SHC2: variants seen among roughly 807,000 people sequenced by gnomAD.
SHC2 encodes SHC adaptor protein 2, also known as SHC-transforming protein 2.
SHC2 carries 62 observed loss-of-function variants against 60.6 expected under a neutral mutation model. The ratio of observed to expected loss-of-function variants is 1.02; its 90% confidence interval spans 0.83 to 1.26. The LOEUF (loss-of-function observed/expected upper bound fraction) is 1.26, where lower values mean the gene tolerates loss of function less well. Among genes scored for constraint, SHC2 ranks in the 50% most tolerant of loss-of-function variants. The probability of loss-of-function intolerance (pLI) is 0.00; values close to 1 mark genes in which losing one functional copy is unlikely to be tolerated. For missense variants in SHC2, 873 were observed against 822.2 expected (o/e 1.06, Z -0.76); for synonymous variants, 375 against 372.4 (o/e 1.01, Z -0.08).
rs1974161681 is a variant in SHC2 at position 416,761 on chromosome 19, T to C, written c.*567A>G. ...GCCTCACGACTGCCTCGATATCCAC[T>C]GTCTTGGAGCAGCCTGGCTACCCCG... On this transcript the variant is annotated 3_prime_UTR_variant, in exon 13 of 13. Transcript: ENST00000264554. 1 of 152,194 alleles carries C rather than the reference T, an allele frequency of 6.6e-6. No individual in the cohort carries two copies. Among genetic ancestry groups the C allele is most frequent in the Admixed American group, 6.5e-5 (1 of 15,278 alleles). The allele number at this position is 152,194 out of a possible 1,614,324, so 9.4% of individuals were successfully genotyped here. A position where few individuals can be genotyped will look rare whatever the true frequency, so the allele number is the denominator to read the frequency against.
intron 4 of SHC2, among the ~76,000 whole-genome samples, chr19:437,248 G>C (rs749376558): frequency 6.6e-6 from 1 of 151,048 alleles, no homozygotes; most frequent in Non-Finnish European, 1.5e-5. Flanking sequence ...GCTCATCTGC[G>C]TGCTCGTTTG....
Position 422,167 on chromosome 19 carries a change from C to G in SHC2, c.1599G>C (p.Leu533=). 6.2e-7 allele frequency: 1 copy of G among 1,611,110 alleles called. No individual in the cohort carries two copies. ...GMHAGQPKHL[L]LVDPEGVVRT... The stretch of plus-strand genomic sequence containing the variant: ...TTACCACGCCCTCGGGGTCCACGAG[C>G]AGCAGGTGCTTGGGCTGCCCGGCGT... Residue 533 remains leucine (L), a synonymous_variant, in exon 11 of 13, where the codon CTG becomes CTC. Transcript: ENST00000264554. This position sits in a 1 kb window ranked among gnomAD's most constrained non-coding sequence, Gnocchi z 5.0.
chr19:445,316 C>G lies in SHC2; in HGVS notation c.469-4384G>C, dbSNP rs1256435465. On this transcript the variant is annotated intron_variant, in intron 1 of 12. Transcript: ENST00000264554. This position sits in a 1 kb window ranked among gnomAD's most constrained non-coding sequence, Gnocchi z 4.4. ...GTGCCCTTATAAAAGAGACCCCAGACAGAGCCCAGCCCTCCACCACGTGAG... is the reference window on the plus strand; with the variant it reads ...GTGCCCTTATAAAAGAGACCCCAGAGAGAGCCCAGCCCTCCACCACGTGAG... Among the ~76,000 whole-genome samples, 1 of 152,214 alleles carries G rather than the reference C, an allele frequency of 6.6e-6. No individual in the cohort carries two copies. Among genetic ancestry groups the G allele is most frequent in the Non-Finnish European group, 1.5e-5 (1 of 68,044 alleles).
chr19:443,880 A>G (rs1461690386), intron 1 of SHC2, among the ~76,000 whole-genome samples: 68 of 53,342 alleles, frequency 1.3e-3, no homozygotes, highest in African/African-American at 1.7e-3. Flanking sequence ...ATGGATGTGT[A>G]GGTGGATGGG....
At chr19:435,196 C>T (rs1974688092) in intron 7 of SHC2, among the ~76,000 whole-genome samples, 1 of 152,246 alleles carries the variant, frequency 6.6e-6, no homozygotes, top group South Asian at 2.1e-4. Context: ...CAGGACATCA[C>T]CGGTCAGGGT....
At chr19:427,226 G>A (rs1974438168) in intron 9 of SHC2, among the ~76,000 whole-genome samples, 1 of 152,188 alleles carries the variant, frequency 6.6e-6, no homozygotes, top group Non-Finnish European at 1.5e-5. Flanking sequence ...AAGGCTGTTA[G>A]GAAACAGGCA....
intron 1 of SHC2, among the ~76,000 whole-genome samples, chr19:443,886 A>G (rs1279514163): frequency 1.8e-5 from 2 of 108,562 alleles, no homozygotes; most frequent in Admixed American, 1.9e-4. Flanking sequence ...GTGTAGGTGG[A>G]TGGGTGGGTG....
At chr19:452,259 T>C (rs1368817940) in intron 1 of SHC2, among the ~76,000 whole-genome samples, 1 of 129,758 alleles carries the variant, frequency 7.7e-6, no homozygotes, top group Non-Finnish European at 1.6e-5. Context: ...TGCGTAGGTG[T>C]GCGTTTCTCC....
intron 12 of SHC2, among the ~76,000 whole-genome samples, chr19:417,714 CGGAACACA>C (rs1446981819): frequency 6.6e-6 from 1 of 152,176 alleles, no homozygotes; most frequent in Non-Finnish European, 1.5e-5. Flanking sequence ...CCGGTGCGAA[CGGAACACA>C]GGAGCCCGTG....
At chr19:437,705 T>G (rs1271135436) in intron 4 of SHC2, among the ~76,000 whole-genome samples, 1 of 152,104 alleles carries the variant, frequency 6.6e-6, no homozygotes, top group Non-Finnish European at 1.5e-5. Flanking sequence ...GCCTCCTCCC[T>G]GGAGCCCCAG....
rs1269919497 is a variant in SHC2 at position 417,290 on chromosome 19, G to C, written c.*38C>G. 6.5e-6 allele frequency: 1 copy of C among 153,194 alleles called. No homozygotes were observed. Among genetic ancestry groups the C allele is most frequent in the East Asian group, 1.9e-4 (1 of 5,198 alleles). The allele number at this position is 153,194 out of a possible 1,614,324, so 9.5% of individuals were successfully genotyped here. A position where few individuals can be genotyped will look rare whatever the true frequency, so the allele number is the denominator to read the frequency against. On this transcript the variant is annotated 3_prime_UTR_variant, in exon 13 of 13. Coordinates refer to ENST00000264554, the MANE Select transcript of SHC2 (RefSeq NM_012435.3). ...CATGACAGGCAGGAGCCGGGGCTGA[G>C]AACAGGCAGGAGCCAGGGCTGAGAA...
chr19:448,084 G>A (rs1056110501), intron 1 of SHC2, among the ~76,000 whole-genome samples: 3 of 152,180 alleles, frequency 2.0e-5, no homozygotes, highest in Non-Finnish European at 1.5e-5. Flanking sequence ...TGGCCTGCGA[G>A]TGGCTCCCGG....
rs763483118 is a variant in SHC2 at position 422,359 on chromosome 19, AG to A, written c.1406del (p.Pro469LeufsTer24). ...TGGGGGCCACAGGGGCCCGGCGGGT[AG>A]GGGGGCTGGGCCACTGGTCCTCCAA... ...LPLEDQWPSP[P>X]TRRAPVAPTE... On this transcript the variant is annotated frameshift_variant, in exon 11 of 13. Coordinates refer to ENST00000264554, the MANE Select transcript of SHC2 (RefSeq NM_012435.3). LOFTEE classifies it high-confidence loss of function. This position sits in a 1 kb window ranked among gnomAD's most constrained non-coding sequence, Gnocchi z 5.0. 9.3e-6 allele frequency: 15 copies of A among 1,605,338 alleles called. No homozygotes were observed. In the Admixed American group the frequency reaches 2.4e-4, roughly 25 times the overall value.
rs1254322544 is a variant in SHC2 at position 440,722 on chromosome 19, G to A, written c.539+140C>T. ...AGGGCGGAGACGTGGCGTGAAGTGG[G>A]AGGGAGGTGGGGGGCACCGAGGCTG... On this transcript the variant is annotated intron_variant, in intron 2 of 12. Coordinates refer to ENST00000264554, the MANE Select transcript of SHC2 (RefSeq NM_012435.3). This position sits in a 1 kb window ranked among gnomAD's most constrained non-coding sequence, Gnocchi z 7.0. The A allele has an allele frequency of 4.2e-6, 3 of 713,932 alleles. No individual in the cohort carries two copies. Among genetic ancestry groups the A allele is most frequent in the Non-Finnish European group, 7.4e-6 (3 of 404,288 alleles). 44.2% of individuals were successfully genotyped at this position (713,932 alleles called of 1,614,324 possible). A position where few individuals can be genotyped will look rare whatever the true frequency, so the allele number is the denominator to read the frequency against.
rs568811136 is a variant in SHC2 at position 439,431 on chromosome 19, C to T, written c.540-401G>A. 5.6e-5 allele frequency: 14 copies of T among 250,178 alleles called. No homozygotes were observed. The East Asian group carries it at 1.3e-3, about 23-fold the overall frequency. 15.5% of individuals were successfully genotyped at this position (250,178 alleles called of 1,614,324 possible). On this transcript the variant is annotated intron_variant, in intron 2 of 12. Coordinates refer to ENST00000264554, the MANE Select transcript of SHC2 (RefSeq NM_012435.3). Reference sequence around the variant, plus strand: ...GGGGGTTGGAGCAGCGAGCAGGAGGCCCTGAGCCTGACGCGGGGTCCGTGT... The same window carrying T: ...GGGGGTTGGAGCAGCGAGCAGGAGGTCCTGAGCCTGACGCGGGGTCCGTGT...
At position 441,252 on chromosome 19, in the gene SHC2, G is replaced by T; in HGVS notation, c.469-320C>A. 1 of 781,262 alleles carries T rather than the reference G, an allele frequency of 1.3e-6. No homozygotes were observed. Among genetic ancestry groups the T allele is most frequent in the Non-Finnish European group, 1.5e-6 (1 of 647,072 alleles). The allele number at this position is 781,262 out of a possible 1,614,324, so 48.4% of individuals were successfully genotyped here. On this transcript the variant is annotated intron_variant, in intron 1 of 12. Coordinates refer to ENST00000264554, the MANE Select transcript of SHC2 (RefSeq NM_012435.3). The surrounding 1 kb of genome is among the most constrained non-coding windows in gnomAD (Gnocchi z 4.9). Reference sequence around the variant, plus strand: ...GGTCTCTTTCTGTTCCACCAGCACCGAAGCCGAGGAGCGTGGGGATGGTGC... The same window carrying T: ...GGTCTCTTTCTGTTCCACCAGCACCTAAGCCGAGGAGCGTGGGGATGGTGC...
At chr19:434,096 G>T (rs1250815973) in intron 8 of SHC2, among the ~76,000 whole-genome samples, 1 of 136,652 alleles carries the variant, frequency 7.3e-6, no homozygotes, top group Non-Finnish European at 1.6e-5. Flanking sequence ...GCGCTTCATC[G>T]TGAGTGAGAT....
Position 430,252 on chromosome 19 carries a change from C to T in SHC2, c.1174+432G>A, listed in dbSNP as rs1000353515. On this transcript the variant is annotated intron_variant, in intron 9 of 12. Transcript: ENST00000264554. ...ATGTATATCCAACGTGCACGGAAAC[C>T]TAATACCGTGTGGATGACGCAGTAC... Among the ~76,000 whole-genome samples, 3 of 151,822 alleles carry T rather than the reference C, an allele frequency of 2.0e-5. No homozygotes were observed. The South Asian group carries it at 6.2e-4, about 32-fold the overall frequency.
At chr19:442,758 A>C (rs967297946) in intron 1 of SHC2, among the ~76,000 whole-genome samples, 1 of 8,706 alleles carries the variant, frequency 1.1e-4, no homozygotes. Context: ...TGGGTGGATG[A>C]GTGGATGGGT....
Sources: gnomAD v4.1 joint callset for allele counts (sites outside exome capture counted in the v4.1 genomes callset) on GRCh38, gnomAD v4.1.1 for gene constraint, Gnocchi (gnomAD v3.1) non-coding constraint, MANE v1.5 for transcripts, NCBI Gene and HGNC (gene_info 2026-07-23, HGNC 2026-07-21) for gene names.